NUP58: variants seen among roughly 807,000 people sequenced by gnomAD.
NUP58 encodes nucleoporin 58.
NUP58 carries 17 observed loss-of-function variants against 70.1 expected under a neutral mutation model. The ratio of observed to expected loss-of-function variants is 0.24; its 90% CI spans 0.17 to 0.36. The LOEUF is 0.36. Among genes scored for constraint, NUP58 ranks in the 10% least tolerant of loss-of-function variants. The pLI is 1.00. For missense variants in NUP58, 644 were observed against 701.5 expected, an observed-to-expected ratio of 0.92 and a Z score of 0.93; for synonymous variants, 275 against 257.6, an observed-to-expected ratio of 1.07 and a Z score of -0.65.
intron 9 of NUP58, among the ~76,000 whole-genome samples, chr13:25,324,712 T>A (rs1284254689): frequency 6.6e-6 from 1 of 152,220 alleles, no homozygotes; most frequent in East Asian, 1.9e-4. Flanking sequence ...ATCTTTACGC[T>A]GTAAATGAAT....
intron 10 of NUP58, among the ~76,000 whole-genome samples, chr13:25,326,304 C>A (rs1191190299): frequency 1.3e-5 from 2 of 151,868 alleles, no homozygotes; most frequent in Non-Finnish European, 2.9e-5. Flanking sequence ...GAAAGACATT[C>A]AGATTCCTCT....
At chr13:25,326,885 T>C in intron 10 of NUP58, 31 bp from the exon 11 acceptor site, 1 of 1,275,728 alleles carries the variant, frequency 7.8e-7, no homozygotes, top group East Asian at 2.4e-5. Context: ...TAAAAAAATA[T>C]TTGATCTGAC....
chr13:25,326,434 C>CA (rs1230177486), intron 10 of NUP58, among the ~76,000 whole-genome samples: 1 of 151,824 alleles, frequency 6.6e-6, no homozygotes, highest in Non-Finnish European at 1.5e-5. Flanking sequence ...ATGGTGTTCT[C>CA]AGATTATAAA....
At chr13:25,329,743 G>A (rs1469210255) in intron 12 of NUP58, among the ~76,000 whole-genome samples, 1 of 152,246 alleles carries the variant, frequency 6.6e-6, no homozygotes, top group African/African-American at 2.4e-5. Context: ...CAGGCCTCAG[G>A]AACATTAACA....
rs763436795 is a variant in NUP58, at chr13:25,313,617, C to G, written c.440C>G (p.Ser147Cys). 9 of 1,495,706 alleles carry G rather than the reference C, an allele frequency of 6.0e-6. No individual in the cohort carries two copies. Among genetic ancestry groups the G allele is most frequent in the South Asian group, 1.4e-5 (1 of 69,350 alleles). 92.7% of individuals were successfully genotyped at this position (1,495,706 alleles called of 1,614,324 possible). The change falls in exon 5 of 16, where the codon TCC becomes TGC. Residue 147 changes from serine (S) to cysteine (C), a missense_variant. Around this residue, in one of 4 missense-constraint regions of NUP58, gnomAD observed 430 missense variants for 409.2 expected, o/e 1.05. Coordinates refer to ENST00000381736, the MANE Select transcript of NUP58 (RefSeq NM_014089.4). ...CTTACTATCTCTCTTTTTATAGCATCCACAGGATTTACTCTAAATAATTTG... is the reference window on the plus strand; with the variant it reads ...CTTACTATCTCTCTTTTTATAGCATGCACAGGATTTACTCTAAATAATTTG... Reference protein sequence around the residue: ...SSALTSTPAASTGFTLNNLGG... With the variant: ...SSALTSTPAACTGFTLNNLGG...
At position 25,301,734 on chromosome 13, in the gene NUP58, C is replaced by G. The variant is rs1388523875; in HGVS notation, c.-40C>G. 1.6e-6 allele frequency: 2 copies of G among 1,289,908 alleles called. No individual in the cohort carries two copies. The highest frequency in any genetic ancestry group is 2.2e-6 in the Non-Finnish European group (2 of 911,474). The allele number at this position is 1,289,908 out of a possible 1,614,324, so 79.9% of individuals were successfully genotyped here. On this transcript the variant is annotated 5_prime_UTR_variant, in exon 1 of 16. Transcript: ENST00000381736. ...TTTGAGGCGAGAGAAGTGTCCCAGACCCATTTCGCCTTGCTGACGGCGTCG... is the reference window on the plus strand; with the variant it reads ...TTTGAGGCGAGAGAAGTGTCCCAGAGCCATTTCGCCTTGCTGACGGCGTCG...
intron 12 of NUP58, among the ~76,000 whole-genome samples, 186 bp from the exon 13 acceptor site, chr13:25,331,171 G>A (rs1211247701): frequency 3.3e-5 from 5 of 152,090 alleles, no homozygotes; most frequent in Admixed American, 3.3e-4. Context: ...ACTATTCAAG[G>A]GAGCAGTAGA....
In NUP58 at chr13:25,342,323, A is replaced by G. The variant is rs1351384749; in HGVS notation, c.*2189A>G. 1 of 152,638 alleles carries G rather than the reference A, an allele frequency of 6.6e-6. No individual in the cohort carries two copies. The highest frequency in any genetic ancestry group is 1.9e-4 in the East Asian group (1 of 5,202). The allele number at this position is 152,638 out of a possible 1,614,324, so 9.5% of individuals were successfully genotyped here. A position where few individuals can be genotyped will look rare whatever the true frequency, so the allele number is the denominator to read the frequency against. ...GAAATTTGTAACAGATTAATTTGTT[A>G]TAGGAGTTTAAATGTGTTGTCATTG... On this transcript the variant is annotated 3_prime_UTR_variant, in exon 16 of 16. Transcript: ENST00000381736.
At chr13:25,333,818 G>T in intron 13 of NUP58, 1 of 985,380 alleles carries the variant, frequency 1.0e-6, no homozygotes, top group Non-Finnish European at 1.2e-6. Context: ...CCATCTAGAT[G>T]AGGGTAGAGA....
At chr13:25,309,514 A>G (rs2030547710) in intron 3 of NUP58, 1 of 405,848 alleles carries the variant, frequency 2.5e-6, no homozygotes, top group African/African-American at 2.1e-5. Flanking sequence ...AAATGCAGAA[A>G]TTGTTTTTAA....
chr13:25,348,068 A>G (rs1300498041), intron 3 of NUP58, among the ~76,000 whole-genome samples: 1 of 152,232 alleles, frequency 6.6e-6, no homozygotes, highest in Non-Finnish European at 1.5e-5. Context: ...TGCACTGTCC[A>G]CAGTGGTAAC....
At chr13:25,310,045 CT>C (rs774177020) in intron 3 of NUP58, 120 of 396,060 alleles carry the variant, frequency 3.0e-4, no homozygotes, top group East Asian at 9.4e-4. Flanking sequence ...TTCTTTTTTG[CT>C]TTTTTTTCCC....
chr13:25,345,202 TACTTG>T (rs543391182), downstream of NUP58, among the ~76,000 whole-genome samples: 475 of 152,306 alleles, frequency 3.1e-3, 5 homozygotes, highest in African/African-American at 0.011. Flanking sequence ...TTAAGCAACT[TACTTG>T]AGGTCGCATA....
chr13:25,335,958 T>C (rs2031765134), intron 13 of NUP58: 2 of 1,102,772 alleles, frequency 1.8e-6, no homozygotes, highest in Non-Finnish European at 2.2e-6. Flanking sequence ...TTTAGATTTT[T>C]GTATTCTGCT....
chr13:25,317,121 T>TA (rs2030967976), intron 6 of NUP58, among the ~76,000 whole-genome samples: 1 of 152,052 alleles, frequency 6.6e-6, no homozygotes, highest in African/African-American at 2.4e-5. Context: ...TTTAACCAGA[T>TA]AGAGAGTAGC....
chr13:25,333,030 C>T (rs1203682320), intron 13 of NUP58: 1 of 984,040 alleles, frequency 1.0e-6, no homozygotes, highest in African/African-American at 1.7e-5. Context: ...TTAAATAGAA[C>T]TTGAGAAATG....
chr13:25,319,502 G>A (rs534257478), intron 7 of NUP58, 152 bp downstream of exon 7: 48 of 606,556 alleles, frequency 7.9e-5, no homozygotes, highest in Non-Finnish European at 1.2e-4. Flanking sequence ...AATAATAGAC[G>A]TATGTTCTGG....
intron 2 of NUP58, 49 bp from the exon 3 acceptor site, chr13:25,309,198 A>T: frequency 1.4e-6 from 2 of 1,400,638 alleles, no homozygotes; most frequent in African/African-American, 1.4e-5. Flanking sequence ...AAACCTAAAG[A>T]ATGTCATCTT....
intron 1 of NUP58, among the ~76,000 whole-genome samples, chr13:25,304,160 T>C (rs1038551905): frequency 5.3e-5 from 8 of 152,244 alleles, no homozygotes; most frequent in African/African-American, 1.9e-4. Context: ...CAGTAAATCT[T>C]AGCTATTATG....
Sources: allele counts gnomAD v4.1 joint callset (sites outside exome capture counted in the v4.1 genomes callset), GRCh38; gene constraint gnomAD v4.1.1; regional missense constraint gnomAD v4.1.1; transcripts MANE v1.5; gene names NCBI Gene and HGNC (gene_info 2026-07-23, HGNC 2026-07-21).